The following MAP2K5 variants were observed in gnomAD, a reference collection of about 807,000 sequenced individuals.
The protein encoded by MAP2K5 is mitogen-activated protein kinase kinase 5, also known as dual specificity mitogen-activated protein kinase kinase 5.
MAP2K5 carries 49 observed loss-of-function variants against 83.1 expected under a neutral mutation model. That is an observed-to-expected ratio of 0.59 (90% CI 0.47 to 0.75). The LOEUF (loss-of-function observed/expected upper bound fraction) is 0.75, where lower values mean the gene tolerates loss of function less well. Ranked by LOEUF, MAP2K5 falls within the 30% of genes least tolerant of loss-of-function variation. The probability of loss-of-function intolerance (pLI) is 0.00; values close to 1 mark genes in which losing one functional copy is unlikely to be tolerated. For synonymous variants in MAP2K5, 202 were observed against 191.8 expected, an observed-to-expected ratio of 1.05 and a Z score of -0.44; for missense variants, 457 against 557.5, an observed-to-expected ratio of 0.82 and a Z score of 1.82.
rs189732417 is a variant in MAP2K5, at chr15:67,652,291, A to C, written c.736+5822A>C. Reference sequence around the variant, plus strand: ...TTTTAACCTTATTAGCCATGATATTAGTCCATCTTGTGTTGCTATAAAGGA... The same window carrying C: ...TTTTAACCTTATTAGCCATGATATTCGTCCATCTTGTGTTGCTATAAAGGA... On this transcript the variant is annotated intron_variant, in intron 11 of 21. Transcript: ENST00000178640. This position sits in a 1 kb window ranked among gnomAD's most constrained non-coding sequence, Gnocchi z 4.2. Among the ~76,000 whole-genome samples, 125 of 152,320 alleles carry C rather than the reference A, an allele frequency of 8.2e-4. No homozygotes were observed. The highest frequency in any genetic ancestry group is 2.9e-3 in the African/African-American group (122 of 41,572).
In MAP2K5 at chr15:67,565,234, AT is replaced by A. The variant is rs199880386; in HGVS notation, c.252+1893del. Among the ~76,000 whole-genome samples the A allele has an allele frequency of 1.3e-5, 2 of 150,212 alleles. No homozygotes were observed. Among genetic ancestry groups the A allele is most frequent in the Non-Finnish European group, 1.5e-5 (1 of 67,464 alleles). On this transcript the variant is annotated intron_variant, in intron 3 of 21. Coordinates refer to ENST00000178640, the MANE Select transcript of MAP2K5 (RefSeq NM_145160.3). The surrounding 1 kb of genome is among the most constrained non-coding windows in gnomAD (Gnocchi z 4.1). ...TTTTTTTATGTCATCACTGTTATTT[AT>A]TTTTTTTTCTCCGAGATGGAGTCTT...
intron 14 of MAP2K5, among the ~76,000 whole-genome samples, chr15:67,692,907 T>C (rs1363175468): frequency 6.6e-6 from 1 of 152,160 alleles, no homozygotes; most frequent in Non-Finnish European, 1.5e-5. Flanking sequence ...AAAATTAATA[T>C]TGGGAGCAAC....
chr15:67,547,802 T>C (rs2084427437), intron 1 of MAP2K5, among the ~76,000 whole-genome samples: 1 of 152,216 alleles, frequency 6.6e-6, no homozygotes, highest in African/African-American at 2.4e-5. Flanking sequence ...GTACATGTTA[T>C]ATTGTCAAGA....
Position 67,637,267 on chromosome 15 carries a change from A to T in MAP2K5, c.585+6340A>T, listed in dbSNP as rs1446005094. 6.6e-6 allele frequency among the ~76,000 whole-genome samples: 1 copy of T among 152,100 alleles called. No individual in the cohort carries two copies. Among genetic ancestry groups the T allele is most frequent in the African/African-American group, 2.4e-5 (1 of 41,426 alleles). On this transcript the variant is annotated intron_variant, in intron 9 of 21. Coordinates refer to ENST00000178640, the MANE Select transcript of MAP2K5 (RefSeq NM_145160.3). This position sits in a 1 kb window ranked among gnomAD's most constrained non-coding sequence, Gnocchi z 4.5. ...TTAATAAATTCCCCTTCATATATACATCTATCCTATTAGTTCTGTCCCTCT... is the reference window on the plus strand; with the variant it reads ...TTAATAAATTCCCCTTCATATATACTTCTATCCTATTAGTTCTGTCCCTCT...
At chr15:67,687,917 T>G (rs1263193920) in intron 13 of MAP2K5, among the ~76,000 whole-genome samples, 4 of 151,586 alleles carry the variant, frequency 2.6e-5, no homozygotes, top group Non-Finnish European at 5.9e-5. Flanking sequence ...TGTGTAGAAA[T>G]GGAGCGTGTT....
intron 1 of MAP2K5, chr15:67,549,138 T>C: frequency 6.5e-7 from 1 of 1,535,586 alleles, no homozygotes; most frequent in Non-Finnish European, 8.7e-7. Flanking sequence ...GCAGAGCTCC[T>C]GGAGAGAAAT....
At chr15:67,752,995 A>G (rs1036643799) in intron 19 of MAP2K5, among the ~76,000 whole-genome samples, 2 of 152,236 alleles carry the variant, frequency 1.3e-5, no homozygotes, top group Non-Finnish European at 2.9e-5. Context: ...GTAGTGGTAT[A>G]GGATAGACAT....
chr15:67,613,680 G>T (rs938805955), intron 8 of MAP2K5, among the ~76,000 whole-genome samples: 1 of 151,880 alleles, frequency 6.6e-6, no homozygotes. Flanking sequence ...CAACAGTATT[G>T]TGGGCAGGAT....
intron 2 of MAP2K5, among the ~76,000 whole-genome samples, chr15:67,558,863 G>A (rs1339888242): frequency 1.3e-5 from 2 of 152,164 alleles, no homozygotes; most frequent in East Asian, 3.8e-4. Flanking sequence ...GATTTTGTTT[G>A]TTTTTTCTTT....
Position 67,679,882 on chromosome 15 carries a change from G to A in MAP2K5, c.848-12597G>A, listed in dbSNP as rs1402098206. The A allele has an allele frequency of 2.0e-5, 3 of 152,260 alleles. No individual in the cohort carries two copies. The East Asian group carries it at 5.8e-4, about 29-fold the overall frequency. The allele number at this position is 152,260 out of a possible 1,614,324, so 9.4% of individuals were successfully genotyped here. A position where few individuals can be genotyped will look rare whatever the true frequency, so the allele number is the denominator to read the frequency against. On this transcript the variant is annotated intron_variant, in intron 13 of 21. Transcript: ENST00000178640. ...CATCTACTCAATTCAGTGATTTTTA[G>A]TAAGTTTATAAAGTTGTGCAACCAT...
chr15:67,608,160 C>G (rs138204974), intron 8 of MAP2K5, among the ~76,000 whole-genome samples: 1 of 152,204 alleles, frequency 6.6e-6, no homozygotes, highest in Non-Finnish European at 1.5e-5. Flanking sequence ...ATCTAATTTC[C>G]ATTTGAATCT....
chr15:67,567,762 A>G (rs893224984), intron 3 of MAP2K5, among the ~76,000 whole-genome samples: 2 of 152,242 alleles, frequency 1.3e-5, no homozygotes, highest in African/African-American at 2.4e-5. Flanking sequence ...ATTGCTAATT[A>G]AATATTCCCT....
chr15:67,618,826 C>T (rs1443874063), intron 8 of MAP2K5, among the ~76,000 whole-genome samples: 1 of 152,132 alleles, frequency 6.6e-6, no homozygotes, highest in Non-Finnish European at 1.5e-5. Flanking sequence ...TTACTGCTTG[C>T]TAGGATTTTA....
intron 11 of MAP2K5, among the ~76,000 whole-genome samples, chr15:67,653,315 T>G (rs2086994782): frequency 6.6e-6 from 1 of 151,326 alleles, no homozygotes; most frequent in African/African-American, 2.4e-5. Context: ...GACGGAGTTC[T>G]GCTCTTGTTG....
chr15:67,729,376 A>G (rs916798229), intron 17 of MAP2K5, among the ~76,000 whole-genome samples: 1 of 152,240 alleles, frequency 6.6e-6, no homozygotes, highest in Non-Finnish European at 1.5e-5. Flanking sequence ...TAAGCCATCC[A>G]GTAAAAATTC....
At chr15:67,672,612 G>A (rs1306666196) in intron 13 of MAP2K5, among the ~76,000 whole-genome samples, 1 of 150,472 alleles carries the variant, frequency 6.6e-6, no homozygotes, top group Non-Finnish European at 1.5e-5. Context: ...TTTGTAGGTT[G>A]CCTGTTCACT....
rs2090107122 is a variant in MAP2K5, at chr15:67,769,756, T to C, written c.1196+93T>C. The C allele has an allele frequency of 7.7e-7, 1 of 1,300,986 alleles. No homozygotes were observed. Among genetic ancestry groups the C allele is most frequent in the East Asian group, 2.3e-5 (1 of 42,682 alleles). The allele number at this position is 1,300,986 out of a possible 1,614,324, so 80.6% of individuals were successfully genotyped here. A position where few individuals can be genotyped will look rare whatever the true frequency, so the allele number is the denominator to read the frequency against. ...GTGAGACCTTATGGCTCTCCCTGCA[T>C]CCTTTTGGAGACAGGAGGGACTTCG... On this transcript the variant is annotated intron_variant, in intron 20 of 21. Transcript: ENST00000178640. The surrounding 1 kb of genome is among the most constrained non-coding windows in gnomAD (Gnocchi z 5.2).
chr15:67,633,490 G>A (rs2086522806), intron 9 of MAP2K5, among the ~76,000 whole-genome samples: 1 of 152,322 alleles, frequency 6.6e-6, no homozygotes, highest in East Asian at 1.9e-4. Flanking sequence ...CATTAGTTGG[G>A]TGTGGCAAGG....
intron 17 of MAP2K5, among the ~76,000 whole-genome samples, chr15:67,728,684 CA>C (rs754231716): frequency 6.6e-6 from 1 of 152,166 alleles, no homozygotes; most frequent in Non-Finnish European, 1.5e-5. Context: ...CTGTACAGGC[CA>C]AAGTGCCTAG....
Sources: gnomAD v4.1 joint callset for allele counts (sites outside exome capture counted in the v4.1 genomes callset) on GRCh38, gnomAD v4.1.1 for gene constraint, Gnocchi (gnomAD v3.1) non-coding constraint, MANE v1.5 for transcripts, NCBI Gene and HGNC (gene_info 2026-07-23, HGNC 2026-07-21) for gene names.